Variants in SEMA3C observed in about 807,000 individuals in gnomAD.
The protein encoded by SEMA3C is semaphorin 3C, also known as semaphorin-3C.
SEMA3C carries 47 observed loss-of-function variants against 89.4 expected under a neutral mutation model. The observed-to-expected ratio is 0.53, with a 90% CI of 0.42 to 0.67. The LOEUF (loss-of-function observed/expected upper bound fraction) is 0.67, where lower values mean the gene tolerates loss of function less well. Ranked by LOEUF, SEMA3C falls within the 30% of genes least tolerant of loss-of-function variation. The pLI is 0.00. For synonymous variants in SEMA3C, 310 were observed against 320.2 expected, an observed-to-expected ratio of 0.97 and a Z score of 0.34; for missense variants, 839 against 929.1, an observed-to-expected ratio of 0.90 and a Z score of 1.26.
In SEMA3C at chr7:80,781,784, T is replaced by C. The variant is rs533839599; in HGVS notation, c.1354+7522A>G. On this transcript the variant is annotated intron_variant, in intron 12 of 17. Transcript: ENST00000265361. ...CTAGAAAATTTTCCTTACATTCCTA[T>C]CACCAGAGGGTTAAATAGGGGCAAC... Among the ~76,000 whole-genome samples the C allele has an allele frequency of 2.6e-5, 4 of 152,214 alleles. No individual in the cohort carries two copies. The South Asian group carries it at 8.3e-4, about 32-fold the overall frequency.
At chr7:80,782,254 C>G (rs1359853123) in intron 12 of SEMA3C, among the ~76,000 whole-genome samples, 1 of 152,136 alleles carries the variant, frequency 6.6e-6, no homozygotes, top group African/African-American at 2.4e-5. Flanking sequence ...TTAATTCACA[C>G]ACAAAAATTC....
At chr7:80,880,413 G>T (rs1791305598) in intron 2 of SEMA3C, among the ~76,000 whole-genome samples, 1 of 152,308 alleles carries the variant, frequency 6.6e-6, no homozygotes, top group East Asian at 1.9e-4. Context: ...CTCTAACTCA[G>T]TATCTGGCAC....
upstream of SEMA3C, chr7:80,922,279 A>G (rs1321800466): frequency 7.8e-7 from 1 of 1,288,270 alleles, no homozygotes; most frequent in Non-Finnish European, 1.0e-6. Context: ...TTTGCTTAAC[A>G]TTTTTCTCCT....
rs1228678103 is a variant in SEMA3C at position 80,748,999 on chromosome 7, A to G, written c.1741T>C (p.Tyr581His). 3.1e-6 allele frequency: 5 copies of G among 1,611,642 alleles called. No individual in the cohort carries two copies. The highest frequency in any genetic ancestry group is 1.7e-6 in the Non-Finnish European group (2 of 1,179,132). Residue 581 changes from tyrosine to histidine, a missense_variant, in exon 17 of 18, where the codon TAT becomes CAT. Coordinates refer to ENST00000265361, the MANE Select transcript of SEMA3C (RefSeq NM_006379.5). Reference protein sequence around the residue: ...AYRNAAEIVQYGVKNNTTFLE... With the variant: ...AYRNAAEIVQHGVKNNTTFLE... ...AAAGTGGTGTTATTTTTTACTCCAT[A>G]CTGGACAATTTCAGCTGCATTTCTG...
At chr7:80,754,964 T>TTTTGTTTTTTTTTTTTTTTTTTTTTTG (rs765917535) in intron 15 of SEMA3C, among the ~76,000 whole-genome samples, 1 of 129,148 alleles carries the variant, frequency 7.7e-6, no homozygotes, top group Admixed American at 8.1e-5. Flanking sequence ...TTTGTTTTTT[T>TTTTGTTTTTTTTTTTTTTTTTTTTTTG]TTTTTTTGTA....
chr7:80,770,463 G>A (rs1788403797), intron 12 of SEMA3C, among the ~76,000 whole-genome samples: 1 of 152,186 alleles, frequency 6.6e-6, no homozygotes, highest in South Asian at 2.1e-4. Context: ...CTATGATATG[G>A]TTACAGCGAA....
At chr7:80,798,048 T>A in intron 11 of SEMA3C, 44 bp downstream of exon 11, 1 of 1,562,366 alleles carries the variant, frequency 6.4e-7, no homozygotes, top group African/African-American at 1.4e-5. Flanking sequence ...GTTAAATGAG[T>A]TTTTATAAAG....
At chr7:80,882,329 G>T (rs1438601991) in intron 2 of SEMA3C, among the ~76,000 whole-genome samples, 2 of 148,184 alleles carry the variant, frequency 1.3e-5, no homozygotes, top group Non-Finnish European at 3.0e-5. Context: ...TTTTCTTAGA[G>T]ACTAAACCAT....
At position 80,768,975 on chromosome 7, in the gene SEMA3C, G is replaced by A. The variant is rs147468310; in HGVS notation, c.1355-3732C>T. ...TTTAACAAGTCTTAACAGTTTTATGGTTCCCTGCTGCAGTTTGTAAGAATC... is the reference window on the plus strand; with the variant it reads ...TTTAACAAGTCTTAACAGTTTTATGATTCCCTGCTGCAGTTTGTAAGAATC... On this transcript the variant is annotated intron_variant, in intron 12 of 17. Transcript: ENST00000265361. Among the ~76,000 whole-genome samples, 70 of 152,268 alleles carry A rather than the reference G, an allele frequency of 4.6e-4. 1 individual carries two copies. The highest frequency in any genetic ancestry group is 1.5e-3 in the African/African-American group (63 of 41,532).
At chr7:80,919,364 G>A (rs1584012329), upstream of SEMA3C, 5 of 985,344 alleles carry the variant, frequency 5.1e-6, no homozygotes, top group Non-Finnish European at 6.0e-6. Flanking sequence ...GGCGGAGTGA[G>A]CAACTTGCTG....
Position 80,745,030 on chromosome 7 carries a change from T to C in SEMA3C, c.2120A>G (p.Gln707Arg). 6.2e-7 allele frequency: 1 copy of C among 1,614,096 alleles called. No homozygotes were observed. The highest frequency in any genetic ancestry group is 8.5e-7 in the Non-Finnish European group (1 of 1,179,976). ...TTGCTGCCGAGTGTCTTTGCAATAT[T>C]GGTTAATCATCTGCATTTCTGAGTG... ...FSHSEMQMIN[Q>R]YCKDTRQQHQ... The change falls in exon 18 of 18, where the codon CAA becomes CGA. Residue 707 changes from glutamine to arginine, a missense_variant. By Grantham distance (43) the Gln-to-Arg change is conservative. Coordinates refer to ENST00000265361, the MANE Select transcript of SEMA3C (RefSeq NM_006379.5).
At chr7:80,899,431 G>A (rs576350883) in intron 2 of SEMA3C, among the ~76,000 whole-genome samples, 123 of 152,246 alleles carry the variant, frequency 8.1e-4, no homozygotes, top group Non-Finnish European at 1.3e-3. Flanking sequence ...ATGACATATT[G>A]TTAGAAAGAT....
At chr7:80,837,330 C>G (rs1790157216) in intron 2 of SEMA3C, among the ~76,000 whole-genome samples, 1 of 152,178 alleles carries the variant, frequency 6.6e-6, no homozygotes, top group Non-Finnish European at 1.5e-5. Flanking sequence ...AATACCACTA[C>G]TAAAAACAGA....
chr7:80,800,306 A>C (rs959600406), intron 10 of SEMA3C, among the ~76,000 whole-genome samples: 3 of 152,192 alleles, frequency 2.0e-5, no homozygotes, highest in Non-Finnish European at 4.4e-5. Flanking sequence ...ATACAAAAAA[A>C]TACTGTACAC....
Position 80,800,804 on chromosome 7 carries a change from A to C in SEMA3C, c.939T>G (p.Thr313=), listed in dbSNP as rs931744608. ...DELEDVFLLE[T]DNPRTTLVYG... ...ACACTAGTGTTGTCCTCGGGTTATC[A>C]GTTTCCAGCAGAAACACATCCTCTA... is the stretch of plus-strand genomic sequence containing the variant. The change falls in exon 10 of 18, where the codon ACT becomes ACG. Residue 313 remains threonine, a synonymous_variant. Coordinates refer to ENST00000265361, the MANE Select transcript of SEMA3C (RefSeq NM_006379.5). 1.2e-5 allele frequency: 18 copies of C among 1,517,024 alleles called. No individual in the cohort carries two copies. The highest frequency in any genetic ancestry group is 4.4e-5 in the African/African-American group (3 of 68,576). 94.0% of individuals were successfully genotyped at this position (1,517,024 alleles called of 1,614,324 possible).
At chr7:80,853,769 A>G (rs1325765087) in intron 2 of SEMA3C, among the ~76,000 whole-genome samples, 1 of 152,164 alleles carries the variant, frequency 6.6e-6, no homozygotes, top group African/African-American at 2.4e-5. Flanking sequence ...TAACTAAAAG[A>G]GACTAATTGG....
At chr7:80,901,757 A>G (rs1039230209) in intron 2 of SEMA3C, among the ~76,000 whole-genome samples, 1 of 152,216 alleles carries the variant, frequency 6.6e-6, no homozygotes, top group African/African-American at 2.4e-5. Flanking sequence ...AGGGCATCCA[A>G]TGAGTAACAT....
At chr7:80,772,069 T>G (rs541699102) in intron 12 of SEMA3C, among the ~76,000 whole-genome samples, 3 of 152,206 alleles carry the variant, frequency 2.0e-5, no homozygotes, top group Non-Finnish European at 1.5e-5. Flanking sequence ...TGAGGAAACA[T>G]ACTTTGAAAG....
chr7:80,872,390 T>G (rs888227674), intron 2 of SEMA3C, among the ~76,000 whole-genome samples: 7 of 152,032 alleles, frequency 4.6e-5, no homozygotes, highest in African/African-American at 1.7e-4. Flanking sequence ...TGACCTCAGG[T>G]GAACCATCCA....
Sources: allele counts gnomAD v4.1 joint callset (sites outside exome capture counted in the v4.1 genomes callset), GRCh38; gene constraint gnomAD v4.1.1; transcripts MANE v1.5; gene names NCBI Gene and HGNC (gene_info 2026-07-23, HGNC 2026-07-21).